The following OCA2 variants were observed in gnomAD, a reference collection of about 807,000 sequenced individuals.
The protein encoded by OCA2 is P protein.
A neutral mutation model predicts 100.2 loss-of-function variants in OCA2; 77 were observed. That is an observed-to-expected ratio of 0.77 (90% CI 0.64 to 0.93). OCA2 has a LOEUF of 0.93. Among genes scored for constraint, OCA2 ranks in the 40% least tolerant of loss-of-function variants. The probability of loss-of-function intolerance (pLI) is 0.00; values close to 1 mark genes in which losing one functional copy is unlikely to be tolerated. For missense variants in OCA2, 1,062 were observed against 1,089.1 expected (o/e 0.98, Z 0.35); for synonymous variants, 432 against 439.2 (o/e 0.98, Z 0.21).
At chr15:27,958,247 T>G (rs539044102) in intron 15 of OCA2, among the ~76,000 whole-genome samples, 2 of 152,358 alleles carry the variant, frequency 1.3e-5, no homozygotes, top group East Asian at 3.9e-4. Context: ...TTCAACACTT[T>G]CAGTGAAGAA....
At chr15:28,056,632 G>A (rs1254030286) in intron 2 of OCA2, among the ~76,000 whole-genome samples, 1 of 152,250 alleles carries the variant, frequency 6.6e-6, no homozygotes, top group Non-Finnish European at 1.5e-5. Flanking sequence ...CATCAGCAGT[G>A]GACATGTGTG....
intron 9 of OCA2, among the ~76,000 whole-genome samples, chr15:28,004,178 C>T (rs1230018780): frequency 1.3e-5 from 2 of 152,260 alleles, no homozygotes; most frequent in African/African-American, 2.4e-5. Context: ...AAGCAGCCTA[C>T]GACATCGAAA....
intron 19 of OCA2, chr15:27,895,859 G>A (rs1425995140): frequency 3.6e-6 from 2 of 551,490 alleles, no homozygotes; most frequent in East Asian, 3.4e-5. Flanking sequence ...CAGGATGATA[G>A]TTTGTGTAAC....
chr15:28,022,649 C>T (rs1160046693), intron 5 of OCA2, 76 bp from the exon 6 acceptor site: 6 of 1,099,392 alleles, frequency 5.5e-6, no homozygotes, highest in South Asian at 2.5e-5. Flanking sequence ...TGATAACAGT[C>T]GAAAACAGAT....
chr15:27,896,938 C>A (rs1202711863), intron 19 of OCA2, among the ~76,000 whole-genome samples: 1 of 152,248 alleles, frequency 6.6e-6, no homozygotes, highest in East Asian at 1.9e-4. Context: ...CGCCTATAAT[C>A]CCAGCACTCT....
intron 21 of OCA2, among the ~76,000 whole-genome samples, chr15:27,864,637 G>A (rs1354550845): frequency 6.6e-6 from 1 of 152,136 alleles, no homozygotes; most frequent in African/African-American, 2.4e-5. Context: ...CTGGGTGACA[G>A]CATAGATAAT....
chr15:28,053,694 C>T (rs1329917672), intron 2 of OCA2, among the ~76,000 whole-genome samples: 1 of 150,416 alleles, frequency 6.6e-6, no homozygotes, highest in Non-Finnish European at 1.5e-5. Flanking sequence ...TCAGAGGCCC[C>T]ACCTCAGAGG....
intron 23 of OCA2, among the ~76,000 whole-genome samples, chr15:27,821,673 C>T (rs571596944): frequency 8.6e-5 from 13 of 151,864 alleles, no homozygotes; most frequent in African/African-American, 2.9e-4. Flanking sequence ...CACATGCATA[C>T]GTGTATTCAC....
intron 2 of OCA2, among the ~76,000 whole-genome samples, chr15:28,079,816 G>A (rs943956761): frequency 1.3e-5 from 2 of 151,934 alleles, no homozygotes; most frequent in African/African-American, 4.8e-5. Flanking sequence ...CCCTTCACTG[G>A]ACCACCACAC....
chr15:27,736,776 T>A, the OCA2 span, among the ~76,000 whole-genome samples: 706 of 152,334 alleles, frequency 4.6e-3, 5 homozygotes, highest in African/African-American at 0.016. Context: ...GCCAACATCA[T>A]ATTGAACTAT....
intron 2 of OCA2, among the ~76,000 whole-genome samples, chr15:28,054,785 A>C (rs887052268): frequency 3.9e-5 from 6 of 152,218 alleles, no homozygotes; most frequent in Admixed American, 3.9e-4. Context: ...TTTATAAAGA[A>C]AAGAGGTTTA....
chr15:28,075,101 T>G (rs986107160), intron 2 of OCA2, among the ~76,000 whole-genome samples: 3 of 152,204 alleles, frequency 2.0e-5, no homozygotes, highest in African/African-American at 7.2e-5. Flanking sequence ...TTTGTGATCT[T>G]GGGTTAAGCA....
intron 14 of OCA2, among the ~76,000 whole-genome samples, chr15:27,971,002 G>A (rs575353852): frequency 1.3e-5 from 2 of 150,850 alleles, no homozygotes; most frequent in South Asian, 4.2e-4. Context: ...CGTGAAAAAT[G>A]CCCCAGCATG....
chr15:27,969,170 A>C (rs2040684118), intron 14 of OCA2, among the ~76,000 whole-genome samples: 1 of 152,142 alleles, frequency 6.6e-6, no homozygotes, highest in South Asian at 2.1e-4. Flanking sequence ...AATAACTATA[A>C]AGTTTTGCCC....
At chr15:28,071,214 A>T (rs927054852) in intron 2 of OCA2, among the ~76,000 whole-genome samples, 1 of 152,124 alleles carries the variant, frequency 6.6e-6, no homozygotes, top group African/African-American at 2.4e-5. Flanking sequence ...CAGCTAACCA[A>T]GGAGTTGAAA....
At chr15:28,022,458 T>C (rs1398134997) in intron 6 of OCA2, 43 bp downstream of exon 6, 2 of 1,407,048 alleles carry the variant, frequency 1.4e-6, no homozygotes, top group Admixed American at 3.3e-5. Context: ...GTGTTTCAGA[T>C]CTCAGCCAGG....
At position 27,989,663 on chromosome 15, in the gene OCA2, G is replaced by A. The variant is rs2041483684; in HGVS notation, c.1120C>T (p.Pro374Ser). 1 of 1,613,974 alleles carries A rather than the reference G, an allele frequency of 6.2e-7. No individual in the cohort carries two copies. The highest frequency in any genetic ancestry group is 1.3e-5 in the African/African-American group (1 of 74,906). Residue 374 changes from proline to serine, a missense_variant, in exon 11 of 24, where the codon CCC becomes TCC. Pro to Ser is a moderately conservative substitution (Grantham distance 74). Coordinates refer to ENST00000354638, the MANE Select transcript of OCA2 (RefSeq NM_000275.3). ...LAALAVIGDR[P>S]SLTHVVEWID... is the part of the protein sequence containing the mutation. ...CACTCCACCACATGGGTCAGGCTGGGTCTCTGCAATCAAAGCACAAATTTG... is the reference window on the plus strand; with the variant it reads ...CACTCCACCACATGGGTCAGGCTGGATCTCTGCAATCAAAGCACAAATTTG...
intron 9 of OCA2, among the ~76,000 whole-genome samples, chr15:28,005,769 T>C (rs2042073449): frequency 6.6e-6 from 1 of 152,108 alleles, no homozygotes; most frequent in South Asian, 2.1e-4. Context: ...TGAGGTCCCA[T>C]ATGCAAATGG....
intron 23 of OCA2, among the ~76,000 whole-genome samples, chr15:27,839,963 G>A (rs1567011148): frequency 6.6e-6 from 1 of 152,048 alleles, no homozygotes; most frequent in South Asian, 2.1e-4. Context: ...GAGAAGAACT[G>A]TTATTAAACA....
Sources: gnomAD v4.1 joint callset for allele counts (sites outside exome capture counted in the v4.1 genomes callset) on GRCh38, gnomAD v4.1.1 for gene constraint, MANE v1.5 for transcripts, NCBI Gene and HGNC (gene_info 2026-07-23, HGNC 2026-07-21) for gene names.